SLC46A1: variants seen among roughly 807,000 people sequenced by gnomAD.
SLC46A1 encodes solute carrier family 46 member 1.
Under a neutral mutation model 32.1 loss-of-function variants are expected in SLC46A1, and 17 were observed. The ratio of observed to expected loss-of-function variants is 0.53; its 90% CI spans 0.36 to 0.79. The LOEUF (loss-of-function observed/expected upper bound fraction) is 0.79. SLC46A1 is among the 30% of genes least tolerant of loss of function. SLC46A1 has a pLI of 0.00. For synonymous variants in SLC46A1, 240 were observed against 262.7 expected (o/e 0.91, Z 0.84); for missense variants, 517 against 588.2 (o/e 0.88, Z 1.25).
In SLC46A1 at chr17:28,396,053, G is replaced by A. The variant is rs782370729; in HGVS notation, c.*3603C>T. 27 of 1,613,568 alleles carry A rather than the reference G, an allele frequency of 1.7e-5. No homozygotes were observed. Among genetic ancestry groups the A allele is most frequent in the Non-Finnish European group, 1.9e-5 (23 of 1,179,776 alleles). On this transcript the variant is annotated 3_prime_UTR_variant, in exon 5 of 5. Transcript: ENST00000612814. ...TGAGCCCCAGGGCCCTGGGACCAGG[G>A]GGGTAGGGTACAAATCACCATGACA...
Position 28,406,058 on chromosome 17 carries a change from C to T in SLC46A1, c.57G>A (p.Val19=). ...GCGGCTCTACCGGGCCCCGGCACAG[C>T]ACGGCAGCCGCAGGGCGGGCGCGGG... ...EKPRARPAAA[V]LCRGPVEPLV... is the part of the protein sequence containing the mutation. The change falls in exon 1 of 5, where the codon GTG becomes GTA. Residue 19 remains valine (V), a synonymous_variant. Coordinates refer to ENST00000612814, the MANE Select transcript of SLC46A1 (RefSeq NM_080669.6). The surrounding 1 kb of genome is among the most constrained non-coding windows in gnomAD (Gnocchi z 4.5). 1 of 1,601,458 alleles carries T rather than the reference C, an allele frequency of 6.2e-7. No individual in the cohort carries two copies.
At position 28,404,965 on chromosome 17, in the gene SLC46A1, C is replaced by T. The variant is rs782240737; in HGVS notation, c.732G>A (p.Thr244=). 4.3e-6 allele frequency: 7 copies of T among 1,613,988 alleles called. No individual in the cohort carries two copies. Among genetic ancestry groups the T allele is most frequent in the East Asian group, 2.2e-5 (1 of 44,878 alleles). ...LKEPKSTRLF[T]FRHHRSIVQL... is the part of the protein sequence containing the mutation. ...GGACAATGGATCGGTGGTGACGGAA[C>T]GTGAAGAGCCGGGTGGACTTTGGCT... is the stretch of plus-strand genomic sequence containing the variant. Residue 244 remains threonine, a synonymous_variant, in exon 2 of 5, where the codon ACG becomes ACA. Transcript: ENST00000612814.
rs782249395 is a variant in SLC46A1, at chr17:28,402,223, G to A, written c.1165+15C>T. The A allele has an allele frequency of 2.5e-6, 4 of 1,608,498 alleles. No homozygotes were observed. In the African/African-American group the frequency reaches 4.0e-5, roughly 16 times the overall value. On this transcript the variant is annotated intron_variant, in intron 3 of 4. Coordinates refer to ENST00000612814, the MANE Select transcript of SLC46A1 (RefSeq NM_080669.6). Reference sequence around the variant, plus strand: ...GGACATGAGGAACCAGACACAGGTGGGTTCTGACACTCACCCTGCTCTGTC... The same window carrying A: ...GGACATGAGGAACCAGACACAGGTGAGTTCTGACACTCACCCTGCTCTGTC...
In SLC46A1 at chr17:28,405,153, C is replaced by A; in HGVS notation, c.544G>T (p.Ala182Ser). Residue 182 changes from alanine to serine, a missense_variant, in exon 2 of 5, where the codon GCC becomes TCC. Physicochemically the swap from Ala to Ser is moderately conservative, Grantham distance 99 (BLOSUM62 1). Coordinates refer to ENST00000612814, the MANE Select transcript of SLC46A1 (RefSeq NM_080669.6). ...SSSRSRTFRMALLEASIGVAG... is the reference protein window; with the variant it reads ...SSSRSRTFRMSLLEASIGVAG... Reference sequence around the variant, plus strand: ...ACCCCGATGCTGGCTTCCAGCAGGGCCATCCGGAAGGTGCGGCTGCGACTG... The same window carrying A: ...ACCCCGATGCTGGCTTCCAGCAGGGACATCCGGAAGGTGCGGCTGCGACTG... The A allele has an allele frequency of 6.2e-7, 1 of 1,611,746 alleles. No individual in the cohort carries two copies. The highest frequency in any genetic ancestry group is 8.5e-7 in the Non-Finnish European group (1 of 1,178,662).
Position 28,402,305 on chromosome 17 carries a change from G to A in SLC46A1, c.1098C>T (p.Phe366=). The A allele has an allele frequency of 1.2e-6, 2 of 1,613,464 alleles. No homozygotes were observed. Among genetic ancestry groups the A allele is most frequent in the Non-Finnish European group, 1.7e-6 (2 of 1,179,678 alleles). Residue 366 remains phenylalanine (F), a synonymous_variant, in exon 3 of 5, where the codon TTC becomes TTT. Coordinates refer to ENST00000612814, the MANE Select transcript of SLC46A1 (RefSeq NM_080669.6). ...TGACAGGTGTGATGACTAATGACAG[G>A]AAAAGCAACCCATATCCTGTGGAGA... ...PLMFTGYGLL[F]LSLVITPVIR...
rs201355325 is a variant in SLC46A1 at position 28,402,371 on chromosome 17, G to A, written c.1082-50C>T. ...GGAAAATGGGGCTGGGGAGAGGGGC[G>A]TCCAAGGGAAAGGCAGCAGAGCTCC... On this transcript the variant is annotated intron_variant, in intron 2 of 4. Transcript: ENST00000612814. 3.2e-5 allele frequency: 48 copies of A among 1,519,294 alleles called. 1 individual carries two copies. Among genetic ancestry groups the A allele is most frequent in the South Asian group, 1.5e-4 (13 of 85,968 alleles). The allele number at this position is 1,519,294 out of a possible 1,614,324, so 94.1% of individuals were successfully genotyped here. A position where few individuals can be genotyped will look rare whatever the true frequency, so the allele number is the denominator to read the frequency against.
intron 2 of SLC46A1, 35 bp downstream of exon 2, chr17:28,404,581 C>A: frequency 6.2e-7 from 1 of 1,608,890 alleles, no homozygotes; most frequent in South Asian, 1.1e-5. Context: ...CCCAGTGCCT[C>A]TGGGACAAGC....
At chr17:28,400,953 G>A (rs1236372003) in intron 3 of SLC46A1, 187 bp from the exon 4 acceptor site, 3 of 620,594 alleles carry the variant, frequency 4.8e-6, no homozygotes, top group Middle Eastern at 4.3e-4. Flanking sequence ...ACAGTAGCTG[G>A]CACAGAGGGG....
chr17:28,402,033 C>G, intron 3 of SLC46A1: 1 of 517,656 alleles, frequency 1.9e-6, no homozygotes, highest in Non-Finnish European at 3.5e-6. Context: ...ACTGCAAATC[C>G]CAACTCTGCG....
At position 28,395,942 on chromosome 17, in the gene SLC46A1, T is replaced by A. The variant is rs782308805; in HGVS notation, c.*3714A>T. On this transcript the variant is annotated 3_prime_UTR_variant, in exon 5 of 5. Coordinates refer to ENST00000612814, the MANE Select transcript of SLC46A1 (RefSeq NM_080669.6). ...GCTTTAAGCTGCGGCAAGAACATTG[T>A]GCCCATCATTGATGGCTTCGAGTGG... 1.2e-6 allele frequency: 2 copies of A among 1,613,984 alleles called. No homozygotes were observed. The highest frequency in any genetic ancestry group is 1.7e-6 in the Non-Finnish European group (2 of 1,179,868).
chr17:28,405,228 A>T lies in SLC46A1; in HGVS notation c.469T>A (p.Phe157Ile), dbSNP rs1555590826. Residue 157 changes from phenylalanine (F) to isoleucine (I), a missense_variant, in exon 2 of 5, where the codon TTC becomes ATC. Physicochemically the swap from Phe to Ile is conservative, Grantham distance 21 (BLOSUM62 0). Transcript: ENST00000612814. ...AAGCTAGCAGCCAGAAGGCCACCGA[A>T]GTCGCCGAGGAGGGCACAAAGGATG... ...GRILCALLGD[F>I]GGLLAASFAS... is the part of the protein sequence containing the mutation. 1 of 1,593,750 alleles carries T rather than the reference A, an allele frequency of 6.3e-7. No homozygotes were observed.
Position 28,405,360 on chromosome 17 carries a change from G to C in SLC46A1, c.337C>G (p.Arg113Gly). ...LLGAWSDSVG[R>G]RPLLVLASLG... ...GAGGCCAGCACTAGCAGCGGGCGGC[G>C]GCCCACACTGTCGCTCCAAGCTCCC... is the stretch of plus-strand genomic sequence containing the variant. Residue 113 changes from arginine (R) to glycine (G), a missense_variant, in exon 2 of 5, where the codon CGC (arginine) becomes GGC (glycine). By Grantham distance (125) the Arg-to-Gly change is moderately radical. Coordinates refer to ENST00000612814, the MANE Select transcript of SLC46A1 (RefSeq NM_080669.6). 1.9e-6 allele frequency: 3 copies of C among 1,585,418 alleles called. No homozygotes were observed. The highest frequency in any genetic ancestry group is 2.6e-6 in the Non-Finnish European group (3 of 1,166,734).
chr17:28,405,669 CCT>C, intron 1 of SLC46A1: 9 of 974,868 alleles, frequency 9.2e-6, no homozygotes, highest in Non-Finnish European at 1.3e-5. Context: ...CTTTCCCCCC[CCT>C]TTTGTTAACC....
Position 28,405,411 on chromosome 17 carries a change from C to T in SLC46A1, c.286G>A (p.Val96Met), listed in dbSNP as rs782303015. 5.7e-6 allele frequency: 9 copies of T among 1,589,562 alleles called. No homozygotes were observed. The highest frequency in any genetic ancestry group is 8.6e-7 in the Non-Finnish European group (1 of 1,168,758). ...AGCAGGGTGGACGAGAAGAGCCCCACCAGGAAGCCGCCCACGTTCATGTAG... is the reference window on the plus strand; with the variant it reads ...AGCAGGGTGGACGAGAAGAGCCCCATCAGGAAGCCGCCCACGTTCATGTAG... ...TLYMNVGGFL[V>M]GLFSSTLLGA... The change falls in exon 2 of 5, where the codon GTG (valine) becomes ATG (methionine). Residue 96 changes from valine (V) to methionine (M), a missense_variant. Physicochemically the swap from Val to Met is conservative, Grantham distance 21 (BLOSUM62 1). Transcript: ENST00000612814.
intron 3 of SLC46A1, 200 bp from the exon 4 acceptor site, chr17:28,400,966 A>G (rs2068190606): frequency 1.7e-6 from 1 of 604,154 alleles, no homozygotes; most frequent in African/African-American, 1.8e-5. Context: ...CAGAGGGGCT[A>G]CTAAACAAAT....
In SLC46A1 at chr17:28,405,394, G is replaced by A; in HGVS notation, c.303C>T (p.Ser101=). 1 of 1,586,874 alleles carries A rather than the reference G, an allele frequency of 6.3e-7. No individual in the cohort carries two copies. Among genetic ancestry groups the A allele is most frequent in the Non-Finnish European group, 8.6e-7 (1 of 1,167,276 alleles). The change falls in exon 2 of 5, where the codon TCC becomes TCT. Residue 101 remains serine, a synonymous_variant. Transcript: ENST00000612814. ...VGGFLVGLFS[S]TLLGAWSDSV... ...TGTCGCTCCAAGCTCCCAGCAGGGT[G>A]GACGAGAAGAGCCCCACCAGGAAGC...
intron 4 of SLC46A1, 43 bp from the exon 5 acceptor site, chr17:28,399,756 C>T (rs782584154): frequency 4.4e-6 from 7 of 1,605,694 alleles, no homozygotes; most frequent in Admixed American, 3.3e-5. Flanking sequence ...ATGTGGGGAA[C>T]CCTCAAGGCC....
chr17:28,405,920 G>C lies in SLC46A1; in HGVS notation c.195C>G (p.Gly65=). Reference sequence around the variant, plus strand: ...TGGGGTCCGCGCTGCGGTTGCTGCAGCCCCCCCTTTGGCGGGTGCCATTGT... The same window carrying C: ...TGGGGTCCGCGCTGCGGTTGCTGCACCCCCCCCTTTGGCGGGTGCCATTGT... ...LGYNGTRQRG[G]CSNRSADPTM... Residue 65 remains glycine, a synonymous_variant, in exon 1 of 5, where the codon GGC becomes GGG. Transcript: ENST00000612814. 6 of 1,608,108 alleles carry C rather than the reference G, an allele frequency of 3.7e-6. No homozygotes were observed. Among genetic ancestry groups the C allele is most frequent in the Non-Finnish European group, 5.1e-6 (6 of 1,178,090 alleles).
Position 28,396,444 on chromosome 17 carries a change from C to T in SLC46A1, c.*3212G>A, listed in dbSNP as rs2068125166. 1 of 816,104 alleles carries T rather than the reference C, an allele frequency of 1.2e-6. No homozygotes were observed. The highest frequency in any genetic ancestry group is 1.8e-5 in the South Asian group (1 of 56,748). The allele number at this position is 816,104 out of a possible 1,614,324, so 50.6% of individuals were successfully genotyped here. On this transcript the variant is annotated 3_prime_UTR_variant, in exon 5 of 5. Coordinates refer to ENST00000612814, the MANE Select transcript of SLC46A1 (RefSeq NM_080669.6). ...GTCCCCCACCCTCATGGCCCACCTC[C>T]AACCCACTTTCCTCAGTATCTGGAG...
Sources: gnomAD v4.1 joint callset for allele counts on GRCh38, gnomAD v4.1.1 for gene constraint, Gnocchi (gnomAD v3.1) non-coding constraint, MANE v1.5 for transcripts, NCBI Gene and HGNC (gene_info 2026-07-23, HGNC 2026-07-21) for gene names.